The following ZNF609 variants were observed in gnomAD, a reference collection of about 807,000 sequenced individuals.
The protein encoded by ZNF609 is zinc finger protein 609.
In ZNF609, 11 loss-of-function variants were observed where a neutral mutation model predicts 109.5. That is an observed-to-expected ratio of 0.10 (90% CI 0.06 to 0.17). ZNF609 has a LOEUF of 0.17. ZNF609 is among the 10% of genes least tolerant of loss of function. ZNF609 has a pLI of 1.00. For synonymous variants in ZNF609, 646 were observed against 662.0 expected (o/e 0.98, Z 0.37); for missense variants, 1,559 against 1,772.4 (o/e 0.88, Z 2.16).
intron 1 of ZNF609, among the ~76,000 whole-genome samples, chr15:64,462,856 T>C (rs1462996661): frequency 1.3e-5 from 2 of 152,186 alleles, no homozygotes; most frequent in African/African-American, 4.8e-5. Context: ...GTATGGGTCT[T>C]AGGGATTATT....
At chr15:64,655,416 A>G (rs1024482525) in intron 3 of ZNF609, among the ~76,000 whole-genome samples, 1 of 152,178 alleles carries the variant, frequency 6.6e-6, no homozygotes, top group African/African-American at 2.4e-5. Context: ...AGCCAGGACA[A>G]CAAGAGCAAA....
intron 2 of ZNF609, among the ~76,000 whole-genome samples, chr15:64,575,572 A>C (rs983464176): frequency 1.3e-5 from 2 of 152,204 alleles, no homozygotes; most frequent in Non-Finnish European, 1.5e-5. Context: ...AGGGAGGTCA[A>C]CGTATTTATT....
chr15:64,570,957 C>T (rs113878489), intron 2 of ZNF609, among the ~76,000 whole-genome samples: 16 of 152,166 alleles, frequency 1.1e-4, no homozygotes, highest in African/African-American at 3.9e-4. Context: ...ACCTGGGAGG[C>T]GGAAGTTGCA....
At position 64,573,039 on chromosome 15, in the gene ZNF609, T is replaced by C. The variant is rs550392511; in HGVS notation, c.748-49788T>C. On this transcript the variant is annotated intron_variant, in intron 2 of 9. Coordinates refer to ENST00000326648, the MANE Select transcript of ZNF609 (RefSeq NM_015042.2). ...CCTCAGCCAATTATACAAGACATAA[T>C]TGAGCAACCATTACATGGCAGTCCT... is the stretch of plus-strand genomic sequence containing the variant. Among the ~76,000 whole-genome samples, 3 of 152,306 alleles carry C rather than the reference T, an allele frequency of 2.0e-5. No individual in the cohort carries two copies. The East Asian group carries it at 5.8e-4, about 29-fold the overall frequency.
At chr15:64,479,231 T>G (rs1323934667) in intron 1 of ZNF609, among the ~76,000 whole-genome samples, 2 of 151,122 alleles carry the variant, frequency 1.3e-5, no homozygotes, top group Non-Finnish European at 2.9e-5. Context: ...GGTGACATAA[T>G]GGTGAAATGA....
intron 2 of ZNF609, among the ~76,000 whole-genome samples, chr15:64,595,179 G>A (rs1002741791): frequency 2.0e-5 from 3 of 150,790 alleles, no homozygotes; most frequent in Non-Finnish European, 4.4e-5. Flanking sequence ...GGCCAACATG[G>A]TGAAACCCCG....
chr15:64,500,493 G>C, intron 2 of ZNF609: 2 of 620,702 alleles, frequency 3.2e-6, no homozygotes, highest in African/African-American at 3.7e-5. Flanking sequence ...GTAGAGATTG[G>C]CATCAGACCT....
At chr15:64,497,503 G>C (rs1339300184) in intron 1 of ZNF609, among the ~76,000 whole-genome samples, 1 of 152,136 alleles carries the variant, frequency 6.6e-6, no homozygotes, top group Non-Finnish European at 1.5e-5. Flanking sequence ...TGTCTTGTCT[G>C]TGTCCTATCT....
intron 6 of ZNF609, 112 bp from the exon 7 acceptor site, chr15:64,680,071 GAA>G: frequency 8.6e-7 from 1 of 1,163,928 alleles, no homozygotes; most frequent in Non-Finnish European, 1.2e-6. Flanking sequence ...CACTATGTTA[GAA>G]AATACCTCAG....
intron 3 of ZNF609, among the ~76,000 whole-genome samples, chr15:64,659,628 C>T (rs1896544996): frequency 6.6e-6 from 1 of 152,004 alleles, no homozygotes; most frequent in African/African-American, 2.4e-5. Context: ...TAAAGAGGGC[C>T]ATTAACCCCT....
At chr15:64,634,049 A>AT (rs1896130549) in intron 3 of ZNF609, among the ~76,000 whole-genome samples, 1 of 152,048 alleles carries the variant, frequency 6.6e-6, no homozygotes, top group African/African-American at 2.4e-5. Context: ...AGATCTTTAA[A>AT]ATATATATAC....
chr15:64,505,275 T>C (rs1033891287), intron 2 of ZNF609, among the ~76,000 whole-genome samples: 3 of 152,156 alleles, frequency 2.0e-5, no homozygotes, highest in Admixed American at 2.0e-4. Context: ...TCCAGCCAAA[T>C]TTTCATTATA....
chr15:64,608,454 T>C (rs1160777050), intron 2 of ZNF609, among the ~76,000 whole-genome samples: 1 of 152,070 alleles, frequency 6.6e-6, no homozygotes, highest in Non-Finnish European at 1.5e-5. Context: ...ATTTCCCCCA[T>C]TTACTCGTAC....
intron 2 of ZNF609, among the ~76,000 whole-genome samples, chr15:64,605,902 CTTTTTTTTTTT>C (rs10542161): frequency 0.016 from 1,126 of 70,732 alleles, 25 homozygotes; most frequent in African/African-American, 0.062. Context: ...CCCGGCTAAT[CTTTTTTTTTTT>C]TTTTTTTTTT....
chr15:64,591,211 T>C (rs1006161570), intron 2 of ZNF609, among the ~76,000 whole-genome samples: 2 of 152,064 alleles, frequency 1.3e-5, no homozygotes, highest in Non-Finnish European at 2.9e-5. Context: ...TGGCGGATCA[T>C]GAGGTCAAGA....
chr15:64,648,212 C>A (rs1422047459), intron 3 of ZNF609, among the ~76,000 whole-genome samples: 1 of 152,140 alleles, frequency 6.6e-6, no homozygotes, highest in African/African-American at 2.4e-5. Flanking sequence ...TAAGGCCATG[C>A]AGTATGGTTT....
At chr15:64,471,518 G>A (rs543598090) in intron 1 of ZNF609, among the ~76,000 whole-genome samples, 21 of 152,258 alleles carry the variant, frequency 1.4e-4, no homozygotes, top group African/African-American at 5.1e-4. Flanking sequence ...GTTATTTGGG[G>A]AAGTGTTCCA....
At chr15:64,671,103 G>A (rs1191589259) in intron 4 of ZNF609, among the ~76,000 whole-genome samples, 5 of 150,444 alleles carry the variant, frequency 3.3e-5, no homozygotes, top group African/African-American at 1.2e-4. Flanking sequence ...CCAGCTACTC[G>A]GGAGGCTGAG....
At chr15:64,489,639 C>T (rs558256367) in intron 1 of ZNF609, among the ~76,000 whole-genome samples, 7 of 150,772 alleles carry the variant, frequency 4.6e-5, no homozygotes, top group South Asian at 4.2e-4. Context: ...AAGCGATTCT[C>T]CTGCCTCAGC....
Sources: allele counts gnomAD v4.1 joint callset (sites outside exome capture counted in the v4.1 genomes callset), GRCh38; gene constraint gnomAD v4.1.1; transcripts MANE v1.5; gene names NCBI Gene and HGNC (gene_info 2026-07-23, HGNC 2026-07-21).